The following BMP2K variants were observed in gnomAD, a reference collection of about 807,000 sequenced individuals.
The protein encoded by BMP2K is BMP2 inducible kinase.
Under a neutral mutation model 116.0 loss-of-function variants are expected in BMP2K, and 74 were observed. The observed-to-expected ratio is 0.64, with a 90% confidence interval of 0.53 to 0.77. The LOEUF (loss-of-function observed/expected upper bound fraction) is 0.77. Among genes scored for constraint, BMP2K ranks in the 30% least tolerant of loss-of-function variants. The pLI is 0.00. For synonymous variants in BMP2K, 486 were observed against 502.5 expected, an observed-to-expected ratio of 0.97 and a Z score of 0.44; for missense variants, 1,365 against 1,403.6, an observed-to-expected ratio of 0.97 and a Z score of 0.44.
At position 78,887,300 on chromosome 4, in the gene BMP2K, A is replaced by G. The variant is rs1446199089; in HGVS notation, c.2062+16A>G. The G allele has an allele frequency of 6.5e-7, 1 of 1,533,772 alleles. No homozygotes were observed. Among genetic ancestry groups the G allele is most frequent in the Admixed American group, 1.8e-5 (1 of 56,676 alleles). ...TCTCATTCAGGCAAGTTACACATGTAACATCATCACTGTCACAAATAAAAC... is the reference window on the plus strand; with the variant it reads ...TCTCATTCAGGCAAGTTACACATGTGACATCATCACTGTCACAAATAAAAC... On this transcript the variant is annotated intron_variant, in intron 15 of 15. Coordinates refer to ENST00000502613, the MANE Select transcript of BMP2K (RefSeq NM_198892.2).
intron 15 of BMP2K, among the ~76,000 whole-genome samples, chr4:78,891,309 C>G (rs572906128): frequency 1.3e-5 from 2 of 152,250 alleles, no homozygotes; most frequent in South Asian, 4.2e-4. Context: ...TTCCTCCTTA[C>G]CCCACCATGG....
chr4:78,861,563 C>T, intron 9 of BMP2K, 95 bp downstream of exon 9: 2 of 992,432 alleles, frequency 2.0e-6, no homozygotes, highest in Non-Finnish European at 3.0e-6. Context: ...ATATCATCTT[C>T]ATCCACAAAG....
chr4:78,818,822 A>T, intron 1 of BMP2K, among the ~76,000 whole-genome samples: 1 of 141,746 alleles, frequency 7.1e-6, no homozygotes, highest in African/African-American at 2.6e-5. Context: ...CCTGAGACAG[A>T]GTCTTGCTTT....
chr4:78,807,074 A>G (rs769092441), intron 1 of BMP2K, among the ~76,000 whole-genome samples: 24 of 148,678 alleles, frequency 1.6e-4, no homozygotes, highest in Non-Finnish European at 3.3e-4. Flanking sequence ...CTGGTCTTGA[A>G]CTCCTGACCT....
At chr4:78,890,202 CCCTCCCAGTCCCCTTTTCCT>C (rs1733355521) in intron 15 of BMP2K, among the ~76,000 whole-genome samples, 1 of 151,866 alleles carries the variant, frequency 6.6e-6, no homozygotes, top group African/African-American at 2.4e-5. Flanking sequence ...CTTTCCTGTT[CCCTCCCAGTCCCCTTTTCCT>C]ACTTAAACTC....
intron 1 of BMP2K, among the ~76,000 whole-genome samples, chr4:78,792,415 A>G (rs1176030114): frequency 1.3e-5 from 2 of 152,232 alleles, no homozygotes; most frequent in African/African-American, 4.8e-5. Context: ...TTCATAGAAT[A>G]TCGTCTTTAC....
intron 1 of BMP2K, among the ~76,000 whole-genome samples, chr4:78,807,592 A>G (rs1460843674): frequency 6.6e-6 from 1 of 151,164 alleles, no homozygotes; most frequent in Admixed American, 6.6e-5. Flanking sequence ...TACTAACTCA[A>G]TCTCTTTACT....
intron 1 of BMP2K, among the ~76,000 whole-genome samples, chr4:78,809,112 C>T (rs940173468): frequency 6.6e-6 from 1 of 152,074 alleles, no homozygotes; most frequent in Non-Finnish European, 1.5e-5. Context: ...CAGTTTTTGC[C>T]TCATGCATTT....
intron 15 of BMP2K, among the ~76,000 whole-genome samples, chr4:78,891,439 G>T (rs78273774): frequency 0.073 from 11,146 of 152,212 alleles, 574 homozygotes; most frequent in East Asian, 0.22. Flanking sequence ...TTTTCTTGCT[G>T]TATATGCTTT....
intron 1 of BMP2K, among the ~76,000 whole-genome samples, chr4:78,820,114 T>G (rs1729542986): frequency 6.6e-6 from 1 of 152,218 alleles, no homozygotes; most frequent in Non-Finnish European, 1.5e-5. Flanking sequence ...TTGAAGCAAC[T>G]TTAAAAGTTT....
chr4:78,808,524 C>A (rs1000114491), intron 1 of BMP2K, among the ~76,000 whole-genome samples: 2 of 152,134 alleles, frequency 1.3e-5, no homozygotes, highest in Non-Finnish European at 2.9e-5. Context: ...CCTCAGCCTC[C>A]CAAAGTGCTG....
chr4:78,808,138 T>G (rs560797242), intron 1 of BMP2K, among the ~76,000 whole-genome samples: 2 of 152,268 alleles, frequency 1.3e-5, no homozygotes, highest in Admixed American at 6.5e-5. Context: ...CACTGCAACC[T>G]CTGCCTCCTG....
intron 1 of BMP2K, among the ~76,000 whole-genome samples, chr4:78,812,504 A>ATC (rs1560510950): frequency 1.3e-5 from 2 of 152,142 alleles, no homozygotes; most frequent in African/African-American, 4.8e-5. Context: ...TGTGCTGTTG[A>ATC]TATTCTGCCT....
intron 6 of BMP2K, among the ~76,000 whole-genome samples, chr4:78,850,480 G>A (rs905360291): frequency 1.5e-4 from 23 of 151,822 alleles, no homozygotes; most frequent in African/African-American, 5.1e-4. Flanking sequence ...TTTACTGATG[G>A]TAGTCTGATA....
rs1381710820 is a variant in BMP2K, at chr4:78,870,953, C to G, written c.1402C>G (p.Gln468Glu). Residue 468 changes from glutamine to glutamate, a missense_variant, in exon 11 of 16, where the codon CAA becomes GAA. By Grantham distance (29) the Gln-to-Glu change is conservative. This residue lies in a region of BMP2K where 762 missense variants were observed against 756.7 expected (regional missense o/e 1.01). Coordinates refer to ENST00000502613, the MANE Select transcript of BMP2K (RefSeq NM_198892.2). ...CCAGCAGCAGCAGCAGCAGCAGCAG[C>G]AACAGCAACAGCAGCAGCAGCAACA... Reference protein sequence around the residue: ...PHQQQQQQQQQQQQQQQQQQQ... With the variant: ...PHQQQQQQQQEQQQQQQQQQQ... 1 of 1,610,196 alleles carries G rather than the reference C, an allele frequency of 6.2e-7. No individual in the cohort carries two copies. The highest frequency in any genetic ancestry group is 2.2e-5 in the East Asian group (1 of 44,794).
intron 6 of BMP2K, among the ~76,000 whole-genome samples, chr4:78,849,710 G>C (rs1028555347): frequency 6.6e-6 from 1 of 151,506 alleles, no homozygotes; most frequent in Non-Finnish European, 1.5e-5. Context: ...TATGGAACCT[G>C]TTATCCCTAC....
At chr4:78,842,945 G>A (rs1396058167) in intron 4 of BMP2K, among the ~76,000 whole-genome samples, 1 of 151,846 alleles carries the variant, frequency 6.6e-6, no homozygotes, top group Non-Finnish European at 1.5e-5. Context: ...CCATAAGTGG[G>A]TCTCTTTTTC....
chr4:78,800,063 GT>G (rs1298208335), intron 1 of BMP2K, among the ~76,000 whole-genome samples: 1 of 152,190 alleles, frequency 6.6e-6, no homozygotes, highest in East Asian at 1.9e-4. Flanking sequence ...CAATTTGAAA[GT>G]CTTGTTTGTC....
chr4:78,866,397 A>C (rs1297992164), intron 10 of BMP2K, among the ~76,000 whole-genome samples: 4 of 152,130 alleles, frequency 2.6e-5, no homozygotes, highest in African/African-American at 9.7e-5. Context: ...AATGTTTTTA[A>C]TGAGGATACC....
Sources: gnomAD v4.1 joint callset for allele counts (sites outside exome capture counted in the v4.1 genomes callset) on GRCh38, gnomAD v4.1.1 for gene constraint, gnomAD v4.1.1 regional missense constraint, MANE v1.5 for transcripts, NCBI Gene and HGNC (gene_info 2026-07-23, HGNC 2026-07-21) for gene names.